DOCK5: variants seen among roughly 807,000 people sequenced by gnomAD.
The protein encoded by DOCK5 is dedicator of cytokinesis protein 5.
Under a neutral mutation model 251.8 loss-of-function variants are expected in DOCK5, and 142 were observed. The observed-to-expected ratio is 0.56, with a 90% confidence interval of 0.49 to 0.65. The LOEUF is 0.65. Ranked by LOEUF, DOCK5 falls within the 30% of genes least tolerant of loss-of-function variation. DOCK5 has a pLI of 0.00. For missense variants in DOCK5, 2,111 were observed against 2,312.3 expected (o/e 0.91, Z 1.79); for synonymous variants, 842 against 835.5 (o/e 1.01, Z -0.13).
intron 9 of DOCK5, 33 bp downstream of exon 9, chr8:25,300,690 TG>T (rs776782281): frequency 1.3e-6 from 2 of 1,580,220 alleles, no homozygotes; most frequent in East Asian, 4.5e-5. Flanking sequence ...TCATTCTCTT[TG>T]TTTGTGATAT....
intron 45 of DOCK5, chr8:25,395,931 C>A: frequency 1.5e-6 from 1 of 667,778 alleles, no homozygotes; most frequent in Non-Finnish European, 2.6e-6. Flanking sequence ...CCTAGTAAAG[C>A]GTCACAGAAA....
At chr8:25,361,569 G>A (rs1462010300) in intron 28 of DOCK5, among the ~76,000 whole-genome samples, 1 of 152,188 alleles carries the variant, frequency 6.6e-6, no homozygotes, top group East Asian at 1.9e-4. Flanking sequence ...AGTCGAGATT[G>A]TGCCGCTGCA....
chr8:25,348,060 T>G (rs1284438744), intron 26 of DOCK5, among the ~76,000 whole-genome samples: 1 of 152,348 alleles, frequency 6.6e-6, no homozygotes, highest in Non-Finnish European at 1.5e-5. Flanking sequence ...GTCCAATCGT[T>G]TTTTGTCCAT....
chr8:25,317,671 C>T (rs576482438), intron 14 of DOCK5, among the ~76,000 whole-genome samples: 1 of 152,288 alleles, frequency 6.6e-6, no homozygotes, highest in Admixed American at 6.5e-5. Context: ...AGTGCAGTGG[C>T]ACGATCTCCA....
At chr8:25,324,907 TG>T (rs1805523713) in intron 17 of DOCK5, among the ~76,000 whole-genome samples, 1 of 151,290 alleles carries the variant, frequency 6.6e-6, no homozygotes, top group African/African-American at 2.4e-5. Context: ...TTTGGTTTTT[TG>T]TCCTTGTGAT....
chr8:25,371,039 G>T (rs1800864095), intron 34 of DOCK5, among the ~76,000 whole-genome samples: 3 of 152,092 alleles, frequency 2.0e-5, no homozygotes, highest in African/African-American at 7.2e-5. Context: ...AACTTTTCTA[G>T]TGTTGACCAA....
At chr8:25,286,254 G>T (rs967240868) in intron 5 of DOCK5, among the ~76,000 whole-genome samples, 4 of 152,130 alleles carry the variant, frequency 2.6e-5, no homozygotes, top group African/African-American at 9.7e-5. Flanking sequence ...GCTCGACACC[G>T]GGAAAATTTG....
intron 1 of DOCK5, among the ~76,000 whole-genome samples, chr8:25,199,295 TA>T (rs1015648974): frequency 3.5e-5 from 4 of 113,642 alleles, no homozygotes; most frequent in African/African-American, 5.1e-5. Context: ...GTATTTCAAA[TA>T]AAATGTGATG....
rs905434468 is a variant in DOCK5, at chr8:25,363,215, T to A, written c.3044+74T>A. 1.9e-5 allele frequency: 24 copies of A among 1,281,586 alleles called. 1 individual carries two copies. The Admixed American group carries it at 2.5e-4, about 13-fold the overall frequency. The allele number at this position is 1,281,586 out of a possible 1,614,324, so 79.4% of individuals were successfully genotyped here. ...GCTGCTGTGTGAACTTTGGGAAATG[T>A]CTTTAAATCCCTTTGCCTCAAACCC... On this transcript the variant is annotated intron_variant, in intron 29 of 51. Transcript: ENST00000276440.
rs776741943 is a variant in DOCK5, at chr8:25,342,377, C to T, written c.2511-24C>T. 5.8e-6 allele frequency: 9 copies of T among 1,551,392 alleles called. No homozygotes were observed. In the East Asian group the frequency reaches 1.7e-4, roughly 29 times the overall value. On this transcript the variant is annotated intron_variant, in intron 24 of 51. Transcript: ENST00000276440. ...TCAATTTGGCAGAACGAAGACACTA[C>T]TAACCCTGAGGTTTCTCTCCCAGCG...
At chr8:25,209,849 A>G (rs186535449) in intron 1 of DOCK5, among the ~76,000 whole-genome samples, 1 of 65,262 alleles carries the variant, frequency 1.5e-5, no homozygotes, top group African/African-American at 3.5e-5. Flanking sequence ...GCAACATGGG[A>G]GCCTCCTGTG....
At chr8:25,197,210 G>T (rs2320887) in intron 1 of DOCK5, among the ~76,000 whole-genome samples, 1 of 151,990 alleles carries the variant, frequency 6.6e-6, no homozygotes, top group Non-Finnish European at 1.5e-5. Context: ...GGGTTTTATT[G>T]TCAAGCTTTA....
intron 30 of DOCK5, among the ~76,000 whole-genome samples, chr8:25,365,221 A>C (rs1347244618): frequency 3.3e-5 from 5 of 152,204 alleles, no homozygotes; most frequent in Non-Finnish European, 7.3e-5. Flanking sequence ...TAGAGTACTT[A>C]CATGTACAGG....
chr8:25,379,158 A>G (rs184202328), intron 38 of DOCK5, among the ~76,000 whole-genome samples: 1 of 152,326 alleles, frequency 6.6e-6, no homozygotes, highest in Admixed American at 6.5e-5. Context: ...ATCTTAACAG[A>G]AAACAAGGTT....
chr8:25,261,912 A>G (rs1803594716), intron 2 of DOCK5, among the ~76,000 whole-genome samples: 2 of 152,184 alleles, frequency 1.3e-5, no homozygotes, highest in Admixed American at 1.3e-4. Flanking sequence ...GGGTTCATCC[A>G]TGATGTTGCA....
chr8:25,313,298 C>T (rs1355960723), intron 13 of DOCK5, among the ~76,000 whole-genome samples: 1 of 152,170 alleles, frequency 6.6e-6, no homozygotes, highest in African/African-American at 2.4e-5. Context: ...CCACTCCAGC[C>T]TCTCAAGAGT....
At chr8:25,304,231 T>C (rs1279299015) in intron 10 of DOCK5, 24 bp from the exon 11 acceptor site, 1 of 1,571,716 alleles carries the variant, frequency 6.4e-7, no homozygotes, top group East Asian at 2.3e-5. Flanking sequence ...TTAGTTTCTT[T>C]AATGAAGTTT....
At chr8:25,189,042 C>CTTTTTTTTTTTTTTTTTTTTTTTTTTT (rs1432735816) in intron 1 of DOCK5, among the ~76,000 whole-genome samples, 4 of 97,642 alleles carry the variant, frequency 4.1e-5, no homozygotes, top group Non-Finnish European at 6.6e-5. Flanking sequence ...TTCTTTCTTT[C>CTTTTTTTTTTTTTTTTTTTTTTTTTTT]TTTCTTTTTT....
chr8:25,230,399 G>A (rs923649879), intron 1 of DOCK5, among the ~76,000 whole-genome samples: 6 of 152,096 alleles, frequency 3.9e-5, no homozygotes, highest in African/African-American at 1.4e-4. Flanking sequence ...TAAACGTCGC[G>A]AACCACTGGA....
Sources: gnomAD v4.1 joint callset for allele counts (sites outside exome capture counted in the v4.1 genomes callset) on GRCh38, gnomAD v4.1.1 for gene constraint, MANE v1.5 for transcripts, NCBI Gene and HGNC (gene_info 2026-07-23, HGNC 2026-07-21) for gene names.